Variants in NCKAP5 observed in about 807,000 individuals in gnomAD.
NCKAP5 encodes nck-associated protein 5.
In NCKAP5, 92 loss-of-function variants were observed where a neutral mutation model predicts 167.0. The ratio of observed to expected loss-of-function variants is 0.55; its 90% confidence interval spans 0.47 to 0.66. The LOEUF (loss-of-function observed/expected upper bound fraction) is 0.66. Among genes scored for constraint, NCKAP5 ranks in the 30% least tolerant of loss-of-function variants. The probability of loss-of-function intolerance (pLI) is 0.00; values close to 1 mark genes in which losing one functional copy is unlikely to be tolerated. For missense variants in NCKAP5, 2,378 were observed against 2,315.0 expected, an observed-to-expected ratio of 1.03 and a Z score of -0.56; for synonymous variants, 891 against 877.4, an observed-to-expected ratio of 1.02 and a Z score of -0.27.
intron 6 of NCKAP5, among the ~76,000 whole-genome samples, chr2:133,051,326 T>C (rs2079599289): frequency 6.6e-6 from 1 of 152,208 alleles, no homozygotes; most frequent in South Asian, 2.1e-4. Flanking sequence ...AACTTTCTTA[T>C]ACTGAACACA....
intron 3 of NCKAP5, among the ~76,000 whole-genome samples, chr2:133,346,394 G>C (rs1574760202): frequency 6.6e-6 from 1 of 152,340 alleles, no homozygotes; most frequent in Non-Finnish European, 1.5e-5. Flanking sequence ...CAGAGGATGA[G>C]AGGGGATGAG....
intron 4 of NCKAP5, among the ~76,000 whole-genome samples, chr2:133,266,647 C>A (rs961576605): frequency 4.6e-5 from 7 of 152,188 alleles, no homozygotes; most frequent in African/African-American, 1.7e-4. Flanking sequence ...CCAAACTTGC[C>A]ATGTCCAGAG....
At chr2:133,289,055 C>T (rs560398447) in intron 4 of NCKAP5, among the ~76,000 whole-genome samples, 79 of 152,288 alleles carry the variant, frequency 5.2e-4, no homozygotes, top group African/African-American at 1.9e-3. Flanking sequence ...AGGACTTAAA[C>T]TCCACATTGC....
chr2:132,706,803 TG>T (rs1558949074), intron 19 of NCKAP5, among the ~76,000 whole-genome samples: 2 of 152,056 alleles, frequency 1.3e-5, no homozygotes, highest in African/African-American at 4.8e-5. Context: ...GTCTCACAAA[TG>T]AGGAGAGGGA....
intron 16 of NCKAP5, among the ~76,000 whole-genome samples, chr2:132,770,319 C>T (rs1681917870): frequency 6.7e-6 from 1 of 149,504 alleles, no homozygotes; most frequent in African/African-American, 2.4e-5. Flanking sequence ...TCTTTTAATT[C>T]TATAAGATGA....
chr2:132,730,687 T>C (rs1690910366), intron 17 of NCKAP5, among the ~76,000 whole-genome samples: 1 of 152,250 alleles, frequency 6.6e-6, no homozygotes, highest in Non-Finnish European at 1.5e-5. Flanking sequence ...AGGTCACATA[T>C]GTGACTATTC....
chr2:133,647,634 G>A, the NCKAP5 span, among the ~76,000 whole-genome samples: 51 of 139,700 alleles, frequency 3.7e-4, no homozygotes, highest in African/African-American at 1.3e-3. Context: ...TAGAAGGAAG[G>A]AAGGAAGAAA....
intron 11 of NCKAP5, among the ~76,000 whole-genome samples, chr2:132,826,588 A>G (rs938613675): frequency 3.3e-5 from 5 of 152,222 alleles, no homozygotes; most frequent in Admixed American, 1.3e-4. Context: ...AGTCAAAATC[A>G]TGTTTGTGAC....
At chr2:132,841,147 T>G (rs1688269270) in intron 11 of NCKAP5, among the ~76,000 whole-genome samples, 1 of 152,184 alleles carries the variant, frequency 6.6e-6, no homozygotes, top group South Asian at 2.1e-4. Flanking sequence ...GTCTGATATC[T>G]AGCAAAGCAG....
intron 2 of NCKAP5, among the ~76,000 whole-genome samples, chr2:133,523,487 T>C (rs1684637108): frequency 6.6e-6 from 1 of 152,198 alleles, no homozygotes; most frequent in African/African-American, 2.4e-5. Flanking sequence ...CTCTCTTGCT[T>C]AGGCATTAGA....
At chr2:133,515,878 A>G (rs1279178760) in intron 3 of NCKAP5, among the ~76,000 whole-genome samples, 1 of 152,218 alleles carries the variant, frequency 6.6e-6, no homozygotes, top group Non-Finnish European at 1.5e-5. Flanking sequence ...CAATTCCCAC[A>G]ACAAAATTCT....
At chr2:133,546,936 CG>C in intron 2 of NCKAP5, among the ~76,000 whole-genome samples, 1 of 152,304 alleles carries the variant, frequency 6.6e-6, no homozygotes, top group South Asian at 2.1e-4. Flanking sequence ...ACACAGAAGA[CG>C]GGTGATTTCT....
At chr2:133,470,304 C>A (rs1408941885) in intron 3 of NCKAP5, among the ~76,000 whole-genome samples, 4 of 151,906 alleles carry the variant, frequency 2.6e-5, no homozygotes, top group Non-Finnish European at 4.4e-5. Context: ...CTGGGGGGTG[C>A]CTCCCAGTTA....
intron 6 of NCKAP5, among the ~76,000 whole-genome samples, chr2:133,059,328 C>T (rs761925003): frequency 1.3e-5 from 2 of 151,980 alleles, no homozygotes; most frequent in Non-Finnish European, 2.9e-5. Context: ...TTCTGATATG[C>T]TAAAGGCCCA....
the NCKAP5 span, among the ~76,000 whole-genome samples, chr2:133,635,739 A>T: frequency 1.3e-5 from 2 of 152,190 alleles, no homozygotes; most frequent in African/African-American, 4.8e-5. Context: ...AGGTAATAAG[A>T]TGAAAAAAAT....
chr2:133,583,671 C>A, the NCKAP5 span, among the ~76,000 whole-genome samples: 24 of 152,268 alleles, frequency 1.6e-4, 1 homozygote, highest in African/African-American at 5.8e-4. Context: ...TATAACATAG[C>A]CATTTAGAAG....
the NCKAP5 span, among the ~76,000 whole-genome samples, chr2:133,631,128 T>C: frequency 6.6e-6 from 1 of 152,200 alleles, no homozygotes; most frequent in Non-Finnish European, 1.5e-5. Flanking sequence ...ATGTTCACAA[T>C]GGAAAATTAA....
rs114207007 is a variant in NCKAP5 at position 133,272,646 on chromosome 2, G to A, written c.143+30391C>T. ...TGAATTTGTTTTTAGCATATGCACC[G>A]TTATGCAACCATCACCATCCCCTTA... is the stretch of plus-strand genomic sequence containing the variant. On this transcript the variant is annotated intron_variant, in intron 4 of 19. Transcript: ENST00000409261. Among the ~76,000 whole-genome samples the A allele has an allele frequency of 2.7e-4, 41 of 152,152 alleles. No individual in the cohort carries two copies. The East Asian group carries it at 5.2e-3, about 19-fold the overall frequency.
chr2:132,691,501 C>T (rs1000512171), intron 19 of NCKAP5, among the ~76,000 whole-genome samples: 1 of 152,200 alleles, frequency 6.6e-6, no homozygotes, highest in Non-Finnish European at 1.5e-5. Flanking sequence ...GGCCTTTGCA[C>T]TTGCTATACC....
Sources: allele counts gnomAD v4.1 joint callset (sites outside exome capture counted in the v4.1 genomes callset), GRCh38; gene constraint gnomAD v4.1.1; transcripts MANE v1.5; gene names NCBI Gene and HGNC (gene_info 2026-07-23, HGNC 2026-07-21).